RIMS1: variants seen among roughly 807,000 people sequenced by gnomAD.
The protein encoded by RIMS1 is regulating synaptic membrane exocytosis 1, also known as regulating synaptic membrane exocytosis protein 1.
In RIMS1, 83 loss-of-function variants were observed where a neutral mutation model predicts 214.1. That is an observed-to-expected ratio of 0.39 (90% CI 0.32 to 0.47). The LOEUF (loss-of-function observed/expected upper bound fraction) is 0.47. RIMS1 is among the 20% of genes least tolerant of loss of function. RIMS1 has a pLI of 0.99. For missense variants in RIMS1, 2,050 were observed against 2,161.8 expected, an observed-to-expected ratio of 0.95 and a Z score of 1.03; for synonymous variants, 793 against 786.8, an observed-to-expected ratio of 1.01 and a Z score of -0.13.
intron 1 of RIMS1, among the ~76,000 whole-genome samples, chr6:71,937,056 T>TA (rs1784661716): frequency 6.6e-6 from 1 of 152,240 alleles, no homozygotes; most frequent in Non-Finnish European, 1.5e-5. Flanking sequence ...GGTGCTTTCC[T>TA]TTTAGCCAGT....
intron 1 of RIMS1, among the ~76,000 whole-genome samples, chr6:71,927,836 A>G (rs1420143826): frequency 1.3e-5 from 2 of 152,154 alleles, no homozygotes; most frequent in Non-Finnish European, 2.9e-5. Flanking sequence ...ATAGAATTCA[A>G]TTGCCAGGTA....
In RIMS1 at chr6:72,158,669, T is replaced by C. The variant is rs2044806560; in HGVS notation, c.472-20906T>C. Among the ~76,000 whole-genome samples, 2 of 137,142 alleles carry C rather than the reference T, an allele frequency of 1.5e-5. 1 individual carries two copies. 90.0% of individuals were successfully genotyped at this position (137,142 alleles called of 152,430 possible). A position where few individuals can be genotyped will look rare whatever the true frequency, so the allele number is the denominator to read the frequency against. On this transcript the variant is annotated intron_variant, in intron 4 of 33. Transcript: ENST00000521978. ...GTGAGAACATGCGGTGTTTGGTTTT[T>C]TGTCCTTGCAATAGTTTTCTGAGAA...
intron 6 of RIMS1, among the ~76,000 whole-genome samples, chr6:72,205,392 A>T (rs895966604): frequency 2.6e-5 from 4 of 152,294 alleles, no homozygotes; most frequent in Non-Finnish European, 5.9e-5. Context: ...CCCCAGAAAG[A>T]ATAAGAGCTC....
At position 72,265,515 on chromosome 6, in the gene RIMS1, T is replaced by G. The variant is rs115294253; in HGVS notation, c.3308+12T>G. On this transcript the variant is annotated intron_variant, in intron 21 of 33. Coordinates refer to ENST00000521978, the MANE Select transcript of RIMS1 (RefSeq NM_014989.7). ...GAAATACTGGTTAGGTAAGAACATT[T>G]GGAAGTGATATCTTCCGTTTCCCTT... 498 of 1,425,746 alleles carry G rather than the reference T, an allele frequency of 3.5e-4. 1 individual carries two copies. In the African/African-American group the frequency reaches 6.3e-3, roughly 18 times the overall value. 88.3% of individuals were successfully genotyped at this position (1,425,746 alleles called of 1,614,324 possible).
At chr6:72,265,847 T>C (rs2080271946) in intron 21 of RIMS1, 113 bp from the exon 22 acceptor site, 1 of 707,286 alleles carries the variant, frequency 1.4e-6, no homozygotes. Context: ...CCAGTGATTC[T>C]ACATTTTGTG....
At chr6:72,096,664 G>A (rs189657946) in intron 2 of RIMS1, among the ~76,000 whole-genome samples, 4 of 152,232 alleles carry the variant, frequency 2.6e-5, no homozygotes, top group Non-Finnish European at 4.4e-5. Flanking sequence ...AAAAGAAACA[G>A]GCATGGAATA....
intron 29 of RIMS1, among the ~76,000 whole-genome samples, chr6:72,363,026 T>C (rs1267020165): frequency 6.6e-6 from 1 of 152,172 alleles, no homozygotes; most frequent in African/African-American, 2.4e-5. Context: ...AGGATGGTCA[T>C]CTCAAATGCA....
intron 4 of RIMS1, among the ~76,000 whole-genome samples, chr6:72,101,322 T>C (rs2033529296): frequency 1.3e-5 from 2 of 151,998 alleles, no homozygotes; most frequent in African/African-American, 4.8e-5. Flanking sequence ...CTTTCAATTA[T>C]TTTCTTCACT....
In RIMS1 at chr6:71,886,923, T is replaced by C. The variant is rs1006986122; in HGVS notation, c.-101T>C. The C allele has an allele frequency of 1.4e-6, 2 of 1,406,392 alleles. No individual in the cohort carries two copies. The highest frequency in any genetic ancestry group is 1.9e-6 in the Non-Finnish European group (2 of 1,028,964). The allele number at this position is 1,406,392 out of a possible 1,614,324, so 87.1% of individuals were successfully genotyped here. A position where few individuals can be genotyped will look rare whatever the true frequency, so the allele number is the denominator to read the frequency against. On this transcript the variant is annotated 5_prime_UTR_variant, in exon 1 of 34. Transcript: ENST00000521978. ...CTGCTCCTCCTCCTGCCGCCGCCGC[T>C]AGGGCTCCGCTGTGAGGGGGAAGCA... is the stretch of plus-strand genomic sequence containing the variant.
At chr6:72,114,325 C>G (rs1232945001) in intron 4 of RIMS1, among the ~76,000 whole-genome samples, 1 of 151,842 alleles carries the variant, frequency 6.6e-6, no homozygotes, top group Admixed American at 6.6e-5. Context: ...TTATTACAGG[C>G]AAAATTCTTT....
intron 23 of RIMS1, among the ~76,000 whole-genome samples, chr6:72,275,639 C>CT (rs2154196500): frequency 6.6e-6 from 1 of 152,156 alleles, no homozygotes; most frequent in African/African-American, 2.4e-5. Flanking sequence ...AAATATAATT[C>CT]TTTCTGCTAC....
chr6:72,377,817 T>G (rs1352237070), intron 29 of RIMS1, among the ~76,000 whole-genome samples: 1 of 152,194 alleles, frequency 6.6e-6, no homozygotes, highest in Non-Finnish European at 1.5e-5. Context: ...TTACACAAAC[T>G]TTGCCTTTAG....
intron 1 of RIMS1, among the ~76,000 whole-genome samples, chr6:71,914,675 A>T (rs1183690188): frequency 1.3e-5 from 2 of 152,166 alleles, no homozygotes; most frequent in Non-Finnish European, 2.9e-5. Flanking sequence ...AAAACCACCG[A>T]ATCGAGAAAT....
intron 4 of RIMS1, among the ~76,000 whole-genome samples, chr6:72,133,974 T>C (rs1183950199): frequency 1.3e-5 from 2 of 152,152 alleles, no homozygotes; most frequent in South Asian, 4.1e-4. Flanking sequence ...AGTTTTTTCA[T>C]TTGCAAAGTG....
intron 29 of RIMS1, among the ~76,000 whole-genome samples, chr6:72,363,356 C>A (rs1196415969): frequency 1.3e-5 from 2 of 152,154 alleles, no homozygotes; most frequent in African/African-American, 4.8e-5. Context: ...GCTTTGTGAC[C>A]ATGTTTGCAA....
At chr6:72,208,310 C>A (rs1053983672) in intron 6 of RIMS1, among the ~76,000 whole-genome samples, 2 of 152,104 alleles carry the variant, frequency 1.3e-5, no homozygotes, top group East Asian at 3.9e-4. Flanking sequence ...GTAATGTAGT[C>A]CCGCATCAAG....
intron 2 of RIMS1, among the ~76,000 whole-genome samples, chr6:72,051,247 G>C (rs1190686892): frequency 6.6e-6 from 1 of 152,028 alleles, no homozygotes; most frequent in Non-Finnish European, 1.5e-5. Context: ...GAAATTTTAG[G>C]GTTTTCTTCC....
At chr6:72,388,543 C>T (rs943839867) in intron 29 of RIMS1, among the ~76,000 whole-genome samples, 14 of 152,246 alleles carry the variant, frequency 9.2e-5, no homozygotes, top group African/African-American at 2.9e-4. Flanking sequence ...CTCACCATGG[C>T]TGTTATGTCA....
intron 29 of RIMS1, chr6:72,366,924 T>A (rs1017146842): frequency 1.5e-5 from 14 of 928,782 alleles, no homozygotes; most frequent in Non-Finnish European, 1.7e-5. Context: ...TGTTTATTTA[T>A]AACTTTTCAT....
Sources: allele counts gnomAD v4.1 joint callset (sites outside exome capture counted in the v4.1 genomes callset), GRCh38; gene constraint gnomAD v4.1.1; transcripts MANE v1.5; gene names NCBI Gene and HGNC (gene_info 2026-07-23, HGNC 2026-07-21).